Variants in GRIP1 observed in about 807,000 individuals in gnomAD.
The protein encoded by GRIP1 is glutamate receptor interacting protein 1.
In GRIP1, 45 loss-of-function variants were observed where a neutral mutation model predicts 129.9. The ratio of observed to expected loss-of-function variants is 0.35; its 90% CI spans 0.27 to 0.44. GRIP1 has a LOEUF of 0.44. GRIP1 is among the 20% of genes least tolerant of loss of function. The pLI, the probability that GRIP1 is intolerant of heterozygous loss-of-function variation, is 1.00. For missense variants in GRIP1, 1,196 were observed against 1,396.8 expected, an observed-to-expected ratio of 0.86 and a Z score of 2.29; for synonymous variants, 530 against 520.8, an observed-to-expected ratio of 1.02 and a Z score of -0.24.
chr12:66,654,194 T>A (rs1453947686), intron 1 of GRIP1, among the ~76,000 whole-genome samples: 1 of 151,844 alleles, frequency 6.6e-6, no homozygotes, highest in South Asian at 2.1e-4. Flanking sequence ...TACAAAAAAT[T>A]TGGACAAGAA....
At chr12:66,678,725 C>G in intron 1 of GRIP1, 125 bp downstream of exon 1, 4 of 851,120 alleles carry the variant, frequency 4.7e-6, no homozygotes, top group Non-Finnish European at 7.9e-6. Flanking sequence ...ACATATTTCA[C>G]TGAGTTCTTT....
intron 1 of GRIP1, among the ~76,000 whole-genome samples, chr12:67,062,260 T>TC: frequency 6.6e-6 from 1 of 152,268 alleles, no homozygotes; most frequent in East Asian, 1.9e-4. Context: ...AGTCTAATGC[T>TC]CCCATCCAGC....
intron 12 of GRIP1, among the ~76,000 whole-genome samples, chr12:66,444,987 T>A (rs2058580697): frequency 6.6e-6 from 1 of 152,214 alleles, no homozygotes; most frequent in Non-Finnish European, 1.5e-5. Flanking sequence ...TAGAATCTGA[T>A]CCAAACCAAT....
chr12:67,025,616 T>C (rs17103210), intron 1 of GRIP1, among the ~76,000 whole-genome samples: 1 of 152,024 alleles, frequency 6.6e-6, no homozygotes, highest in Non-Finnish European at 1.5e-5. Flanking sequence ...TATCTCCTCA[T>C]GGACTTGAAT....
intron 1 of GRIP1, among the ~76,000 whole-genome samples, chr12:66,636,832 C>T (rs1319859763): frequency 1.3e-5 from 2 of 151,926 alleles, no homozygotes; most frequent in Non-Finnish European, 2.9e-5. Context: ...AGGGCCCTCA[C>T]CAGAAAATCA....
At chr12:67,058,346 T>A (rs901347392) in intron 1 of GRIP1, among the ~76,000 whole-genome samples, 6 of 152,196 alleles carry the variant, frequency 3.9e-5, no homozygotes, top group South Asian at 2.1e-4. Flanking sequence ...ATTGTCTATA[T>A]TCAGACAATA....
intron 1 of GRIP1, among the ~76,000 whole-genome samples, chr12:67,000,184 C>T (rs2042530992): frequency 6.6e-6 from 1 of 152,100 alleles, no homozygotes; most frequent in African/African-American, 2.4e-5. Context: ...CAGGGTCTAG[C>T]ACAGTATTTT....
intron 1 of GRIP1, among the ~76,000 whole-genome samples, chr12:66,923,778 G>T (rs890456400): frequency 6.6e-6 from 1 of 152,066 alleles, no homozygotes; most frequent in Non-Finnish European, 1.5e-5. Context: ...TCTATAAAAT[G>T]GGAGTAATTG....
chr12:66,647,150 G>A (rs887107219), intron 1 of GRIP1, among the ~76,000 whole-genome samples: 7 of 152,126 alleles, frequency 4.6e-5, no homozygotes, highest in African/African-American at 1.7e-4. Context: ...CTGCCCAGAT[G>A]ACCTGTAATC....
At chr12:66,546,365 C>T (rs868811145) in intron 2 of GRIP1, among the ~76,000 whole-genome samples, 10 of 151,774 alleles carry the variant, frequency 6.6e-5, no homozygotes, top group Middle Eastern at 3.4e-3. Flanking sequence ...TAGTGTGCAC[C>T]TGTAGTCCCA....
At chr12:66,762,517 G>T (rs2037507306) in intron 1 of GRIP1, among the ~76,000 whole-genome samples, 1 of 151,968 alleles carries the variant, frequency 6.6e-6, no homozygotes, top group Non-Finnish European at 1.5e-5. Flanking sequence ...AATATATGTT[G>T]TACAACTTCA....
chr12:66,902,861 T>C (rs2040865458), intron 1 of GRIP1, among the ~76,000 whole-genome samples: 1 of 152,210 alleles, frequency 6.6e-6, no homozygotes, highest in Non-Finnish European at 1.5e-5. Flanking sequence ...ACAGTAAAGA[T>C]ACATGTTCTG....
chr12:66,432,827 C>T (rs2058190419), intron 13 of GRIP1, among the ~76,000 whole-genome samples, 199 bp from the exon 14 acceptor site: 1 of 152,146 alleles, frequency 6.6e-6, no homozygotes. Context: ...GGCAACTGTG[C>T]ATAATTCACA....
chr12:66,941,162 T>TA (rs35447940), intron 1 of GRIP1, among the ~76,000 whole-genome samples: 886 of 147,872 alleles, frequency 6.0e-3, no homozygotes, highest in African/African-American at 0.011. Context: ...TTCATGTGAT[T>TA]AAAAAAAAAA....
chr12:67,066,888 T>TATATATATATATATATATATA (rs2043635570), intron 1 of GRIP1, among the ~76,000 whole-genome samples: 1 of 125,662 alleles, frequency 8.0e-6, no homozygotes, highest in Non-Finnish European at 1.6e-5. Context: ...AAATATATAT[T>TATATATATATATATATATATA]TATATATATA....
At chr12:66,976,147 C>T (rs1031167986) in intron 1 of GRIP1, among the ~76,000 whole-genome samples, 1 of 152,144 alleles carries the variant, frequency 6.6e-6, no homozygotes, top group South Asian at 2.1e-4. Context: ...TGACATGCAT[C>T]GCTTAATTTC....
intron 1 of GRIP1, among the ~76,000 whole-genome samples, chr12:66,868,489 G>A (rs974051625): frequency 6.6e-6 from 1 of 152,020 alleles, no homozygotes; most frequent in Non-Finnish European, 1.5e-5. Context: ...ACGAACTTAA[G>A]AATGTTACCC....
intron 1 of GRIP1, among the ~76,000 whole-genome samples, chr12:66,617,173 T>C (rs2065079008): frequency 6.7e-6 from 1 of 149,496 alleles, no homozygotes; most frequent in South Asian, 2.1e-4. Flanking sequence ...TAACTGTAGG[T>C]CCCTTTCCAT....
At chr12:66,920,512 T>A (rs575226894) in intron 1 of GRIP1, among the ~76,000 whole-genome samples, 1 of 152,266 alleles carries the variant, frequency 6.6e-6, no homozygotes, top group Non-Finnish European at 1.5e-5. Flanking sequence ...CAAGGAGTAG[T>A]AAGCACTGTC....
Sources: allele counts gnomAD v4.1 joint callset (sites outside exome capture counted in the v4.1 genomes callset), GRCh38; gene constraint gnomAD v4.1.1; transcripts MANE v1.5; gene names NCBI Gene and HGNC (gene_info 2026-07-23, HGNC 2026-07-21).